Variants in NOS1AP observed in about 807,000 individuals in gnomAD.
NOS1AP encodes the protein nitric oxide synthase 1 adaptor protein.
In NOS1AP, 21 loss-of-function variants were observed where a neutral mutation model predicts 56.2. The observed-to-expected ratio is 0.37, with a 90% CI of 0.26 to 0.54. The LOEUF (loss-of-function observed/expected upper bound fraction) is 0.54. Ranked by LOEUF, NOS1AP falls within the 20% of genes least tolerant of loss-of-function variation. The probability of loss-of-function intolerance (pLI) is 0.84; values close to 1 mark genes in which losing one functional copy is unlikely to be tolerated. For synonymous variants in NOS1AP, 270 were observed against 274.6 expected (o/e 0.98, Z 0.17); for missense variants, 522 against 657.8 (o/e 0.79, Z 2.26).
At chr1:162,336,348 G>T (rs2101799069) in intron 5 of NOS1AP, among the ~76,000 whole-genome samples, 1 of 152,266 alleles carries the variant, frequency 6.6e-6, no homozygotes, top group East Asian at 1.9e-4. Context: ...AACCCAGAGG[G>T]TCTGACTGTG....
intron 1 of NOS1AP, among the ~76,000 whole-genome samples, chr1:162,113,308 G>A (rs1054218763): frequency 6.6e-6 from 1 of 152,154 alleles, no homozygotes; most frequent in African/African-American, 2.4e-5. Context: ...TTGGTTGTTA[G>A]GACGTCCACA....
At chr1:162,127,314 C>T (rs192170416) in intron 1 of NOS1AP, among the ~76,000 whole-genome samples, 28 of 152,114 alleles carry the variant, frequency 1.8e-4, no homozygotes, top group East Asian at 1.7e-3. Flanking sequence ...GCAATGACCT[C>T]GTATTCTCCA....
chr1:162,315,388 C>T (rs1656197034), intron 4 of NOS1AP, among the ~76,000 whole-genome samples: 1 of 152,198 alleles, frequency 6.6e-6, no homozygotes, highest in South Asian at 2.1e-4. Context: ...TGCCACAGTG[C>T]CCTGTCCTCT....
intron 2 of NOS1AP, among the ~76,000 whole-genome samples, chr1:162,266,373 A>G (rs1654424000): frequency 6.6e-6 from 1 of 152,320 alleles, no homozygotes; most frequent in Non-Finnish European, 1.5e-5. Flanking sequence ...GTTACCAAGC[A>G]TGTGGGAAGG....
chr1:162,186,245 C>A (rs1651427453), intron 2 of NOS1AP, among the ~76,000 whole-genome samples: 3 of 152,074 alleles, frequency 2.0e-5, no homozygotes, highest in Admixed American at 2.0e-4. Flanking sequence ...GCATTTGGTT[C>A]TGGAATGTTG....
At chr1:162,211,743 C>T (rs184861384) in intron 2 of NOS1AP, among the ~76,000 whole-genome samples, 1 of 152,174 alleles carries the variant, frequency 6.6e-6, no homozygotes, top group Admixed American at 6.5e-5. Context: ...CCTCTCTCTG[C>T]AGTCTGATTG....
intron 6 of NOS1AP, among the ~76,000 whole-genome samples, chr1:162,353,838 A>G (rs539699497): frequency 6.6e-6 from 1 of 152,324 alleles, no homozygotes; most frequent in Non-Finnish European, 1.5e-5. Flanking sequence ...CCAGCCATCA[A>G]GACGGTCACT....
intron 5 of NOS1AP, among the ~76,000 whole-genome samples, chr1:162,336,385 A>G (rs770440935): frequency 5.3e-5 from 8 of 152,324 alleles, no homozygotes; most frequent in Non-Finnish European, 1.0e-4. Context: ...CCACTCCATT[A>G]TACTATTGTT....
rs1412022726 is a variant in NOS1AP at position 162,367,215 on chromosome 1, C to A, written c.1269C>A (p.Asp423Glu). ...HPAGSPLGRR[D>E]CLVKLECFRF... Reference sequence around the variant, plus strand: ...CGGGCAGCCCCTTAGGTAGGCGCGACTGCTTGGTGAAGCTGGAGTGCTTTC... The same window carrying A: ...CGGGCAGCCCCTTAGGTAGGCGCGAATGCTTGGTGAAGCTGGAGTGCTTTC... The change falls in exon 10 of 10, where the codon GAC (aspartate) becomes GAA (glutamate). Residue 423 changes from aspartate to glutamate, a missense_variant. By Grantham distance (45) the Asp-to-Glu change is conservative. This residue lies in a region of NOS1AP where 160 missense variants were observed against 180.3 expected (regional missense o/e 0.89). Transcript: ENST00000361897. The surrounding 1 kb of genome is among the most constrained non-coding windows in gnomAD (Gnocchi z 6.5). 1 of 1,613,822 alleles carries A rather than the reference C, an allele frequency of 6.2e-7. No homozygotes were observed. The highest frequency in any genetic ancestry group is 1.3e-5 in the African/African-American group (1 of 74,948).
chr1:162,141,038 C>T (rs1198255208), intron 1 of NOS1AP, among the ~76,000 whole-genome samples: 1 of 152,096 alleles, frequency 6.6e-6, no homozygotes, highest in African/African-American at 2.4e-5. Context: ...GCAAAGTTTG[C>T]AAATATTTAC....
intron 2 of NOS1AP, among the ~76,000 whole-genome samples, chr1:162,167,945 T>G (rs1650578030): frequency 6.7e-6 from 1 of 149,764 alleles, no homozygotes; most frequent in African/African-American, 2.5e-5. Context: ...TTTATTTCTT[T>G]TAGGTGACAC....
At chr1:162,322,753 A>G (rs1253208199) in intron 4 of NOS1AP, among the ~76,000 whole-genome samples, 2 of 152,210 alleles carry the variant, frequency 1.3e-5, no homozygotes, top group South Asian at 4.1e-4. Flanking sequence ...ATCTATGAAG[A>G]CATCCAGGAC....
intron 2 of NOS1AP, among the ~76,000 whole-genome samples, chr1:162,198,615 A>G (rs577451031): frequency 1.3e-5 from 2 of 152,348 alleles, no homozygotes; most frequent in South Asian, 4.1e-4. Context: ...GTACATCTGC[A>G]TGGTATTTGT....
chr1:162,240,034 A>G (rs1243471008), intron 2 of NOS1AP, among the ~76,000 whole-genome samples: 1 of 152,140 alleles, frequency 6.6e-6, no homozygotes, highest in Non-Finnish European at 1.5e-5. Flanking sequence ...TGCTCCTGCC[A>G]CCAGATGGCA....
chr1:162,112,005 C>T (rs746591097), intron 1 of NOS1AP, among the ~76,000 whole-genome samples: 8 of 152,156 alleles, frequency 5.3e-5, no homozygotes, highest in Non-Finnish European at 7.4e-5. Flanking sequence ...ACTGGTTTAC[C>T]GCTCAGGCCA....
At chr1:162,087,826 T>G (rs1692037981) in intron 1 of NOS1AP, among the ~76,000 whole-genome samples, 1 of 152,100 alleles carries the variant, frequency 6.6e-6, no homozygotes, top group East Asian at 1.9e-4. Context: ...TAAAGTGCCC[T>G]CTCTCTTTGA....
chr1:162,104,816 A>G (rs1158035809), intron 1 of NOS1AP, among the ~76,000 whole-genome samples: 2 of 152,048 alleles, frequency 1.3e-5, no homozygotes, highest in Admixed American at 6.6e-5. Context: ...TTGTTTTATC[A>G]TGATTCCTAG....
At chr1:162,301,169 T>A (rs900754140) in intron 4 of NOS1AP, among the ~76,000 whole-genome samples, 1 of 152,138 alleles carries the variant, frequency 6.6e-6, no homozygotes. Context: ...TGTCTACAGG[T>A]CTGAATGCTT....
At chr1:162,137,943 G>A (rs555867316) in intron 1 of NOS1AP, among the ~76,000 whole-genome samples, 14 of 152,264 alleles carry the variant, frequency 9.2e-5, no homozygotes, top group South Asian at 4.2e-4. Flanking sequence ...ATGGGTCTGT[G>A]AGAGAATACT....
Sources: gnomAD v4.1 joint callset for allele counts (sites outside exome capture counted in the v4.1 genomes callset) on GRCh38, gnomAD v4.1.1 for gene constraint, gnomAD v4.1.1 regional missense constraint, Gnocchi (gnomAD v3.1) non-coding constraint, MANE v1.5 for transcripts, NCBI Gene and HGNC (gene_info 2026-07-23, HGNC 2026-07-21) for gene names.